PDE1C: variants seen among roughly 807,000 people sequenced by gnomAD.
The protein encoded by PDE1C is dual specificity calcium/calmodulin-dependent 3',5'-cyclic nucleotide phosphodiesterase 1C.
A neutral mutation model predicts 93.1 loss-of-function variants in PDE1C; 62 were observed. That is an observed-to-expected ratio of 0.67 (90% CI 0.54 to 0.82). The LOEUF is 0.82. PDE1C is among the 40% of genes least tolerant of loss of function. The probability of loss-of-function intolerance (pLI) is 0.00; values close to 1 mark genes in which losing one functional copy is unlikely to be tolerated. For synonymous variants in PDE1C, 325 were observed against 310.1 expected (o/e 1.05, Z -0.50); for missense variants, 742 against 884.6 (o/e 0.84, Z 2.04).
exon 3 of PDE1C, chr7:32,169,898 G>C: frequency 6.2e-7 from 1 of 1,612,640 alleles, no homozygotes; most frequent in Non-Finnish European, 8.5e-7. Flanking sequence ...GCTTCTCCTT[G>C]ACATTCCCTG....
At chr7:31,964,481 A>C (rs1584225945) in intron 2 of PDE1C, among the ~76,000 whole-genome samples, 1 of 152,228 alleles carries the variant, frequency 6.6e-6, no homozygotes, top group Admixed American at 6.5e-5. Flanking sequence ...GGTGGAGACC[A>C]CCACAGCTCA....
chr7:31,714,545 C>T, the PDE1C span, among the ~76,000 whole-genome samples: 2 of 152,310 alleles, frequency 1.3e-5, no homozygotes, highest in South Asian at 4.2e-4. Flanking sequence ...CTGGTACCAA[C>T]TTACTGTATT....
At chr7:31,870,870 T>A (rs1290262450) in intron 6 of PDE1C, among the ~76,000 whole-genome samples, 2 of 151,972 alleles carry the variant, frequency 1.3e-5, no homozygotes, top group Non-Finnish European at 2.9e-5. Flanking sequence ...GTTACAAGGC[T>A]ATAGTAACCA....
intron 1 of PDE1C, among the ~76,000 whole-genome samples, chr7:32,386,089 CTTTTTT>C (rs3079658): frequency 1.5e-5 from 2 of 137,516 alleles, no homozygotes; most frequent in African/African-American, 2.7e-5. Context: ...CTTTTTCTTT[CTTTTTT>C]TTTTTTTTTT....
chr7:32,330,128 T>A (rs771641493), intron 1 of PDE1C, among the ~76,000 whole-genome samples: 3 of 152,256 alleles, frequency 2.0e-5, no homozygotes, highest in Non-Finnish European at 4.4e-5. Context: ...CCATCACATA[T>A]GGCACCCCCA....
the PDE1C span, among the ~76,000 whole-genome samples, chr7:31,704,458 C>A: frequency 1.6e-4 from 24 of 152,204 alleles, no homozygotes; most frequent in Non-Finnish European, 3.1e-4. Flanking sequence ...GTTCCCTAAA[C>A]TCTTCTGTAT....
intron 1 of PDE1C, among the ~76,000 whole-genome samples, chr7:32,245,968 C>CTTTTTTTTTTT (rs369247468): frequency 1.1e-4 from 10 of 94,804 alleles, no homozygotes; most frequent in African/African-American, 1.5e-4. Context: ...TTTTTCTTTT[C>CTTTTTTTTTTT]TTTTTTTTTT....
intron 11 of PDE1C, among the ~76,000 whole-genome samples, chr7:31,832,823 A>G (rs1178124101): frequency 6.6e-6 from 1 of 152,220 alleles, no homozygotes; most frequent in African/African-American, 2.4e-5. Flanking sequence ...TTCCTTTACG[A>G]GGAAAAAATG....
rs183435603 is a variant in PDE1C, at chr7:32,002,765, G to T, written c.128+48789C>A. ...ATTAAAATCACTGGTGTACAGATCT[G>T]TCCCTCTTCCTTTGAACTGGGTATT... is the stretch of plus-strand genomic sequence containing the variant. On this transcript the variant is annotated intron_variant, in intron 2 of 17. Coordinates refer to ENST00000396191, the MANE Select transcript of PDE1C (RefSeq NM_001191057.4). 8.9e-4 allele frequency among the ~76,000 whole-genome samples: 136 copies of T among 152,182 alleles called. 1 individual carries two copies. The highest frequency in any genetic ancestry group is 1.5e-3 in the Non-Finnish European group (103 of 68,012).
chr7:32,398,187 C>T (rs1784872794), intron 1 of PDE1C, among the ~76,000 whole-genome samples: 1 of 151,024 alleles, frequency 6.6e-6, no homozygotes, highest in African/African-American at 2.4e-5. Context: ...ATGGCATGCA[C>T]CTGTAATCCC....
chr7:32,086,835 C>T (rs1343350449), intron 3 of PDE1C, among the ~76,000 whole-genome samples: 1 of 152,088 alleles, frequency 6.6e-6, no homozygotes, highest in Non-Finnish European at 1.5e-5. Flanking sequence ...CTTCCTTGCA[C>T]CTTATACAAA....
the PDE1C span, among the ~76,000 whole-genome samples, chr7:31,627,406 C>G: frequency 2.6e-5 from 4 of 151,974 alleles, no homozygotes; most frequent in African/African-American, 9.7e-5. Context: ...GCCTATAATC[C>G]CAGCTCTTTG....
upstream of PDE1C, among the ~76,000 whole-genome samples, chr7:32,304,187 G>T (rs1252021298): frequency 6.6e-6 from 1 of 152,068 alleles, no homozygotes; most frequent in Non-Finnish European, 1.5e-5. Flanking sequence ...CTCAGGGGAG[G>T]TAACCACCCG....
At chr7:32,116,920 G>C (rs1288663254) in intron 3 of PDE1C, among the ~76,000 whole-genome samples, 1 of 152,118 alleles carries the variant, frequency 6.6e-6, no homozygotes, top group Non-Finnish European at 1.5e-5. Flanking sequence ...ACCATTTCAT[G>C]GCAATAAGCA....
At chr7:32,136,958 A>T (rs1288717017) in intron 3 of PDE1C, among the ~76,000 whole-genome samples, 2 of 152,226 alleles carry the variant, frequency 1.3e-5, no homozygotes, top group Non-Finnish European at 2.9e-5. Flanking sequence ...AATTATGCCC[A>T]GGAGATTTTC....
chr7:32,335,739 TTTG>T (rs1320854531), intron 1 of PDE1C, among the ~76,000 whole-genome samples: 6 of 152,008 alleles, frequency 3.9e-5, no homozygotes, highest in Non-Finnish European at 8.8e-5. Context: ...TTTGTTTTTG[TTTG>T]TTTTGAGACA....
At chr7:32,373,523 A>G (rs1366848338) in intron 1 of PDE1C, among the ~76,000 whole-genome samples, 1 of 152,266 alleles carries the variant, frequency 6.6e-6, no homozygotes, top group Non-Finnish European at 1.5e-5. Flanking sequence ...TCTTTCTATC[A>G]TGACAAAATG....
intron 1 of PDE1C, among the ~76,000 whole-genome samples, chr7:32,317,588 T>G (rs934095328): frequency 6.6e-6 from 1 of 150,792 alleles, no homozygotes; most frequent in African/African-American, 2.4e-5. Context: ...AAGTGATAGT[T>G]TTTTTTTTTA....
At chr7:31,620,980 T>C in the PDE1C span, among the ~76,000 whole-genome samples, 570 of 152,012 alleles carry the variant, frequency 3.7e-3, 8 homozygotes, top group East Asian at 0.074. Flanking sequence ...CAGGAGCCAA[T>C]GCGATCAACT....
Sources: allele counts gnomAD v4.1 joint callset (sites outside exome capture counted in the v4.1 genomes callset), GRCh38; gene constraint gnomAD v4.1.1; transcripts MANE v1.5; gene names NCBI Gene and HGNC (gene_info 2026-07-23, HGNC 2026-07-21).